The following DPP6 variants were observed in gnomAD, a reference collection of about 807,000 sequenced individuals.
DPP6 encodes A-type potassium channel modulatory protein DPP6.
Under a neutral mutation model 122.6 loss-of-function variants are expected in DPP6, and 69 were observed. The ratio of observed to expected loss-of-function variants is 0.56; its 90% CI spans 0.46 to 0.69. DPP6 has a LOEUF of 0.69. DPP6 is among the 30% of genes least tolerant of loss of function. The pLI is 0.00. For synonymous variants in DPP6, 418 were observed against 433.1 expected, an observed-to-expected ratio of 0.97 and a Z score of 0.43; for missense variants, 928 against 1,116.9, an observed-to-expected ratio of 0.83 and a Z score of 2.41.
chr7:154,757,998 C>G (rs917985089), intron 8 of DPP6, among the ~76,000 whole-genome samples: 1 of 152,218 alleles, frequency 6.6e-6, no homozygotes, highest in African/African-American at 2.4e-5. Context: ...CGCCCTCTCC[C>G]GCCACGCACG....
chr7:154,535,761 A>T (rs1305446552), intron 3 of DPP6, among the ~76,000 whole-genome samples: 2 of 152,162 alleles, frequency 1.3e-5, no homozygotes, highest in East Asian at 3.8e-4. Flanking sequence ...CCATAATCAC[A>T]TGAGAAGATG....
At chr7:153,990,255 T>C (rs572539550) in intron 1 of DPP6, among the ~76,000 whole-genome samples, 168 of 100,618 alleles carry the variant, frequency 1.7e-3, no homozygotes, top group African/African-American at 7.7e-3. Context: ...CAGCCCCACC[T>C]GCTTCCAGCC....
intron 5 of DPP6, among the ~76,000 whole-genome samples, chr7:154,585,252 T>C (rs1026416351): frequency 1.3e-5 from 2 of 152,222 alleles, no homozygotes; most frequent in African/African-American, 4.8e-5. Context: ...ATCTTTAGGG[T>C]AATTTTGCTC....
chr7:154,393,079 A>C (rs1814762320), intron 1 of DPP6, among the ~76,000 whole-genome samples: 1 of 152,212 alleles, frequency 6.6e-6, no homozygotes, highest in Admixed American at 6.5e-5. Flanking sequence ...TCTTCTTCCA[A>C]ATATTTACCA....
intron 1 of DPP6, among the ~76,000 whole-genome samples, chr7:154,007,288 T>C (rs1480117153): frequency 7.2e-5 from 11 of 152,250 alleles, no homozygotes; most frequent in South Asian, 4.1e-4. Flanking sequence ...GTATAGACAT[T>C]GTTATTTGTT....
intron 1 of DPP6, among the ~76,000 whole-genome samples, chr7:154,000,028 T>C (rs180917061): frequency 1.6e-3 from 250 of 152,154 alleles, no homozygotes; most frequent in Non-Finnish European, 2.9e-3. Flanking sequence ...ATATATAAGA[T>C]AGCTGGAAAA....
the DPP6 span, among the ~76,000 whole-genome samples, chr7:153,817,368 A>G: frequency 0.046 from 5,166 of 112,944 alleles, 332 homozygotes; most frequent in East Asian, 0.18. Flanking sequence ...TTCTCAGTAT[A>G]CACATATAAA....
At chr7:153,866,608 G>A in the DPP6 span, among the ~76,000 whole-genome samples, 483 of 151,996 alleles carry the variant, frequency 3.2e-3, 1 homozygote, top group African/African-American at 4.6e-3. Context: ...TTGCCTGTTC[G>A]CTCTGATGGT....
intron 2 of DPP6, among the ~76,000 whole-genome samples, chr7:154,461,935 C>T (rs1380555570): frequency 6.6e-6 from 1 of 152,098 alleles, no homozygotes; most frequent in Non-Finnish European, 1.5e-5. Context: ...AAATTTTTAC[C>T]TAGTACAGTG....
intron 1 of DPP6, among the ~76,000 whole-genome samples, chr7:154,410,686 A>T (rs1249153520): frequency 6.6e-6 from 1 of 152,230 alleles, no homozygotes; most frequent in African/African-American, 2.4e-5. Flanking sequence ...AGCAAAATGG[A>T]TTCTGCATTA....
rs1466558618 is a variant in DPP6 at position 154,060,329 on chromosome 7, A to AG, written c.243+7271dup. Among the ~76,000 whole-genome samples the AG allele has an allele frequency of 4.9e-3, 227 of 46,256 alleles. 6 individuals are homozygous for AG. The highest frequency in any genetic ancestry group is 6.7e-3 in the Non-Finnish European group (155 of 22,980). The allele number at this position is 46,256 out of a possible 152,430, so 30.3% of individuals were successfully genotyped here. On this transcript the variant is annotated intron_variant, in intron 1 of 25. Transcript: ENST00000377770. ...TGGCTCTTAGGACCCCCATCGCAGG[A>AG]GGGGGAGGCACCCCCCGCGAGGCAG...
intron 1 of DPP6, among the ~76,000 whole-genome samples, chr7:153,976,022 T>C (rs1204252826): frequency 2.0e-5 from 3 of 152,224 alleles, no homozygotes; most frequent in Non-Finnish European, 4.4e-5. Flanking sequence ...TTTCATTTAC[T>C]ATCATTCTTG....
At chr7:154,367,841 C>T (rs544462360) in intron 1 of DPP6, among the ~76,000 whole-genome samples, 8 of 152,304 alleles carry the variant, frequency 5.3e-5, no homozygotes, top group African/African-American at 1.7e-4. Context: ...GACGGAGTCT[C>T]GCACTGTTGT....
chr7:154,878,925 T>C (rs564484971), intron 20 of DPP6, among the ~76,000 whole-genome samples: 5 of 152,338 alleles, frequency 3.3e-5, no homozygotes, highest in Admixed American at 6.5e-5. Flanking sequence ...TTCACGTAGC[T>C]AGTGGAGGAA....
chr7:154,106,857 G>T (rs867783025), intron 1 of DPP6, among the ~76,000 whole-genome samples: 1 of 152,130 alleles, frequency 6.6e-6, no homozygotes, highest in Non-Finnish European at 1.5e-5. Flanking sequence ...AAGGAGCAAC[G>T]CACTGACGCT....
At chr7:153,829,141 C>A in the DPP6 span, among the ~76,000 whole-genome samples, 1 of 152,162 alleles carries the variant, frequency 6.6e-6, no homozygotes, top group Non-Finnish European at 1.5e-5. Flanking sequence ...AACCTTCAAG[C>A]AAATTATTAT....
chr7:154,608,093 C>T (rs1197562595), intron 5 of DPP6, among the ~76,000 whole-genome samples: 1 of 146,494 alleles, frequency 6.8e-6, no homozygotes, highest in Non-Finnish European at 1.5e-5. Context: ...AATTCTCCTG[C>T]CTCAGCCTCC....
At chr7:154,512,922 T>C (rs1322034068) in intron 3 of DPP6, among the ~76,000 whole-genome samples, 1 of 152,202 alleles carries the variant, frequency 6.6e-6, no homozygotes, top group Non-Finnish European at 1.5e-5. Context: ...GACTAGACGA[T>C]GGCTTTCTTA....
chr7:154,057,537 A>G (rs2429610), intron 1 of DPP6: 86,776 of 149,956 alleles, frequency 0.58, 26,415 homozygotes, highest in South Asian at 0.7. Context: ...AACGCAGCTC[A>G]GGAACAGAAA....
Sources: allele counts gnomAD v4.1 joint callset (sites outside exome capture counted in the v4.1 genomes callset), GRCh38; gene constraint gnomAD v4.1.1; transcripts MANE v1.5; gene names NCBI Gene and HGNC (gene_info 2026-07-23, HGNC 2026-07-21).